The following CRHR1 variants were observed in gnomAD, a reference collection of about 807,000 sequenced individuals.
The protein encoded by CRHR1 is corticotropin-releasing hormone receptor 1.
In CRHR1, 28 loss-of-function variants were observed where a neutral mutation model predicts 56.0. The observed-to-expected ratio is 0.50, with a 90% CI of 0.37 to 0.69. CRHR1 has a LOEUF of 0.69. Among genes scored for constraint, CRHR1 ranks in the 30% least tolerant of loss-of-function variants. The pLI is 0.00. For missense variants in CRHR1, 376 were observed against 548.0 expected (o/e 0.69, Z 3.13); for synonymous variants, 195 against 216.5 (o/e 0.90, Z 0.87).
chr17:45,805,724 C>T (rs1429642306), intron 1 of CRHR1, among the ~76,000 whole-genome samples: 3 of 152,176 alleles, frequency 2.0e-5, no homozygotes, highest in African/African-American at 7.2e-5. Flanking sequence ...CAGCTCCCCA[C>T]AGCCAGAGGG....
chr17:45,834,117 A>G (rs2143283374), intron 12 of CRHR1, 69 bp downstream of exon 12: 2 of 1,562,284 alleles, frequency 1.3e-6, no homozygotes, highest in Non-Finnish European at 8.8e-7. Flanking sequence ...GATTGTCTAG[A>G]GCCTTCTCCT....
At chr17:45,807,626 A>G (rs1051589334) in intron 2 of CRHR1, among the ~76,000 whole-genome samples, 1 of 152,252 alleles carries the variant, frequency 6.6e-6, no homozygotes, top group Non-Finnish European at 1.5e-5. Context: ...ACTGAGGCAC[A>G]GAGAACTAGT....
At chr17:45,798,404 T>C (rs994514804) in intron 1 of CRHR1, among the ~76,000 whole-genome samples, 2 of 151,942 alleles carry the variant, frequency 1.3e-5, no homozygotes, top group Admixed American at 6.6e-5. Flanking sequence ...TGGGTGCCTG[T>C]AATCCCAGCT....
Position 45,784,865 on chromosome 17 carries a change from T to C in CRHR1, c.33+288T>C, listed in dbSNP as rs2061303530. On this transcript the variant is annotated intron_variant, in intron 1 of 12. Transcript: ENST00000314537. This position sits in a 1 kb window ranked among gnomAD's most constrained non-coding sequence, Gnocchi z 4.2. Reference sequence around the variant, plus strand: ...GCCGGCTCCGCGCCAAGAATCGCTCTAGGCTCTCGGGCAGACGCCTAGGGG... The same window carrying C: ...GCCGGCTCCGCGCCAAGAATCGCTCCAGGCTCTCGGGCAGACGCCTAGGGG... 6.6e-6 allele frequency among the ~76,000 whole-genome samples: 1 copy of C among 152,102 alleles called. No homozygotes were observed. The highest frequency in any genetic ancestry group is 6.5e-5 in the Admixed American group (1 of 15,280).
intron 3 of CRHR1, among the ~76,000 whole-genome samples, chr17:45,819,389 G>A (rs1160268185): frequency 6.6e-6 from 1 of 152,130 alleles, no homozygotes; most frequent in Middle Eastern, 3.2e-3. Context: ...CTGGGTCCAG[G>A]GGCCACGCTC....
At position 45,829,124 on chromosome 17, in the gene CRHR1, C is replaced by G; in HGVS notation, c.328-91C>G. ...GGGGAGTGGCCCTTGAGATCATGAC[C>G]CGCTCCATCCCAGCCACCCCTAGGC... On this transcript the variant is annotated intron_variant, in intron 4 of 12. Transcript: ENST00000314537. The G allele has an allele frequency of 3.1e-6, 3 of 982,576 alleles. No homozygotes were observed. In the South Asian group the frequency reaches 4.3e-5, roughly 14 times the overall value. The allele number at this position is 982,576 out of a possible 1,614,324, so 60.9% of individuals were successfully genotyped here.
chr17:45,795,259 C>T (rs2061497395), intron 1 of CRHR1, among the ~76,000 whole-genome samples: 1 of 152,148 alleles, frequency 6.6e-6, no homozygotes, highest in Non-Finnish European at 1.5e-5. Flanking sequence ...TTGAAGGTGC[C>T]TCTCTCTTGT....
intron 1 of CRHR1, among the ~76,000 whole-genome samples, chr17:45,799,063 G>A (rs545586608): frequency 6.6e-6 from 1 of 152,342 alleles, no homozygotes; most frequent in South Asian, 2.1e-4. Context: ...AGCCTGGGCA[G>A]TCAAGAGGGC....
In CRHR1 at chr17:45,803,384, T is replaced by TTTTA. The variant is rs916911395; in HGVS notation, c.34-3610_34-3607dup. On this transcript the variant is annotated intron_variant, in intron 1 of 12. Coordinates refer to ENST00000314537, the MANE Select transcript of CRHR1 (RefSeq NM_004382.5). The stretch of plus-strand genomic sequence containing the variant: ...GTTTCTTTTCTTTCTTTTTTATTTA[T>TTTTA]TTTATTTATTTATTTATTTTGAGAT... 2.6e-5 allele frequency among the ~76,000 whole-genome samples: 4 copies of TTTTA among 152,202 alleles called. No homozygotes were observed. The East Asian group carries it at 5.8e-4, about 22-fold the overall frequency.
Position 45,784,512 on chromosome 17 carries a change from G to C in CRHR1, c.-33G>C, listed in dbSNP as rs1196894033. ...CCCTCTGGGATGTCCGTAGGACCCG[G>C]GCATTCAGGACGGTAGCCGAGCGAG... is the stretch of plus-strand genomic sequence containing the variant. On this transcript the variant is annotated 5_prime_UTR_variant, in exon 1 of 13. Coordinates refer to ENST00000314537, the MANE Select transcript of CRHR1 (RefSeq NM_004382.5). This position sits in a 1 kb window ranked among gnomAD's most constrained non-coding sequence, Gnocchi z 4.2. The C allele has an allele frequency of 1.0e-5, 16 of 1,534,004 alleles. No individual in the cohort carries two copies. Among genetic ancestry groups the C allele is most frequent in the Non-Finnish European group, 1.4e-5 (16 of 1,139,702 alleles).
chr17:45,833,157 C>CCACCGA lies in CRHR1; in HGVS notation c.791_792insACCGAC (p.Pro264_Gly265insProThr), dbSNP rs1568073588. The CCACCGA allele has an allele frequency of 6.2e-7, 1 of 1,614,126 alleles. No homozygotes were observed. Among genetic ancestry groups the CCACCGA allele is most frequent in the South Asian group, 1.1e-5 (1 of 91,086 alleles). On this transcript the variant is annotated inframe_insertion, in exon 9 of 13. Coordinates refer to ENST00000314537, the MANE Select transcript of CRHR1 (RefSeq NM_004382.5). Reference sequence around the variant, plus strand: ...TTCTAGGTGCTGGTTTGGCAAAAGGCCTGGGGTGTACACCGACTACATCTA... The same window carrying CCACCGA: ...TTCTAGGTGCTGGTTTGGCAAAAGGCCACCGACTGGGGTGTACACCGACTACATCTA...
chr17:45,829,544 A>C (rs1438789858), intron 5 of CRHR1: 3 of 1,544,880 alleles, frequency 1.9e-6, no homozygotes, highest in Admixed American at 4.1e-5. Flanking sequence ...AACTTGTCTT[A>C]TGTCACCCAT....
At chr17:45,799,364 C>T (rs2146286159) in intron 1 of CRHR1, 1 of 152,360 alleles carries the variant, frequency 6.6e-6, no homozygotes, top group Non-Finnish European at 1.5e-5. Context: ...GAGTTGATTG[C>T]ACTGACGCTT....
intron 3 of CRHR1, among the ~76,000 whole-genome samples, chr17:45,817,190 G>A (rs531203799): frequency 6.6e-5 from 10 of 152,292 alleles, no homozygotes; most frequent in African/African-American, 2.2e-4. Flanking sequence ...CCGGAGGCCC[G>A]AAACCCCCAG....
At chr17:45,824,684 C>G (rs1477395364) in intron 4 of CRHR1, among the ~76,000 whole-genome samples, 1 of 152,166 alleles carries the variant, frequency 6.6e-6, no homozygotes, top group Admixed American at 6.5e-5. Context: ...TAGCACGGAC[C>G]TTAGGGTTTG....
intron 3 of CRHR1, 139 bp from the exon 4 acceptor site, chr17:45,821,216 C>T (rs984556617): frequency 1.3e-6 from 1 of 757,510 alleles, no homozygotes; most frequent in Non-Finnish European, 2.3e-6. Context: ...CCCCTCTCCC[C>T]AGCTTCACTA....
intron 5 of CRHR1, 62 bp downstream of exon 5, chr17:45,829,383 G>A: frequency 1.3e-6 from 2 of 1,487,544 alleles, no homozygotes; most frequent in South Asian, 2.3e-5. Context: ...GCAGGGTGGA[G>A]AAGTGAGAGG....
At chr17:45,830,062 G>C in intron 5 of CRHR1, 32 bp from the exon 6 acceptor site, 4 of 1,613,258 alleles carry the variant, frequency 2.5e-6, no homozygotes, top group Non-Finnish European at 3.4e-6. Context: ...CTCTCCTATC[G>C]CTCCCATCAT....
chr17:45,789,158 C>G (rs935126309), intron 1 of CRHR1, among the ~76,000 whole-genome samples: 2 of 152,186 alleles, frequency 1.3e-5, no homozygotes, highest in African/African-American at 4.8e-5. Context: ...CCGTTTCTTC[C>G]TCAGTGAAAA....
Sources: allele counts gnomAD v4.1 joint callset (sites outside exome capture counted in the v4.1 genomes callset), GRCh38; gene constraint gnomAD v4.1.1; non-coding constraint Gnocchi (gnomAD v3.1); transcripts MANE v1.5; gene names NCBI Gene and HGNC (gene_info 2026-07-23, HGNC 2026-07-21).